CNTNAP2: variants seen among roughly 807,000 people sequenced by gnomAD.
The protein encoded by CNTNAP2 is contactin associated protein 2, also known as contactin-associated protein-like 2.
CNTNAP2 carries 98 observed loss-of-function variants against 155.2 expected under a neutral mutation model. That is an observed-to-expected ratio of 0.63 (90% CI 0.54 to 0.75). CNTNAP2 has a LOEUF of 0.75. CNTNAP2 is among the 30% of genes least tolerant of loss of function. The pLI, the probability that CNTNAP2 is intolerant of heterozygous loss-of-function variation, is 0.00. For missense variants in CNTNAP2, 1,727 were observed against 1,688.1 expected (o/e 1.02, Z -0.40); for synonymous variants, 651 against 631.2 (o/e 1.03, Z -0.47).
At chr7:147,382,840 T>G (rs73475223) in intron 9 of CNTNAP2, among the ~76,000 whole-genome samples, 1 of 152,162 alleles carries the variant, frequency 6.6e-6, no homozygotes, top group Non-Finnish European at 1.5e-5. Flanking sequence ...CCTCGAATGA[T>G]GTAGTACATT....
intron 8 of CNTNAP2, among the ~76,000 whole-genome samples, chr7:147,216,813 C>T (rs1268614727): frequency 6.6e-6 from 1 of 152,026 alleles, no homozygotes; most frequent in East Asian, 1.9e-4. Flanking sequence ...TTTCCTTGAA[C>T]ATACATTATC....
intron 2 of CNTNAP2, among the ~76,000 whole-genome samples, chr7:146,797,786 G>GT (rs1185547733): frequency 8.5e-5 from 13 of 152,166 alleles, no homozygotes; most frequent in Admixed American, 1.3e-4. Context: ...CATTCAAAAT[G>GT]TATTTGTTTG....
chr7:146,145,109 T>C (rs946287236), intron 1 of CNTNAP2, among the ~76,000 whole-genome samples: 3 of 152,194 alleles, frequency 2.0e-5, no homozygotes, highest in Non-Finnish European at 2.9e-5. Flanking sequence ...CAAAATGTGA[T>C]CCTGACATTC....
chr7:147,139,457 G>GA (rs1584750425), intron 8 of CNTNAP2, among the ~76,000 whole-genome samples: 1 of 152,162 alleles, frequency 6.6e-6, no homozygotes, highest in African/African-American at 2.4e-5. Context: ...TTCATAATCA[G>GA]AAAAAACACA....
At chr7:147,204,150 A>G (rs1371850232) in intron 8 of CNTNAP2, among the ~76,000 whole-genome samples, 1 of 151,942 alleles carries the variant, frequency 6.6e-6, no homozygotes, top group African/African-American at 2.4e-5. Context: ...TAATAGGATG[A>G]TATAGATTAT....
At chr7:146,185,244 A>T (rs1282283689) in intron 1 of CNTNAP2, among the ~76,000 whole-genome samples, 1 of 152,160 alleles carries the variant, frequency 6.6e-6, no homozygotes, top group Admixed American at 6.6e-5. Flanking sequence ...TGAAAAAAAA[A>T]TACTACTTTT....
intron 1 of CNTNAP2, among the ~76,000 whole-genome samples, chr7:146,579,848 T>A (rs1013412760): frequency 5.9e-5 from 9 of 152,154 alleles, no homozygotes; most frequent in African/African-American, 2.2e-4. Context: ...GCCTTGAAGT[T>A]TCTTAGTGTA....
chr7:146,931,851 T>A (rs1311405875), intron 3 of CNTNAP2, among the ~76,000 whole-genome samples: 3 of 152,154 alleles, frequency 2.0e-5, no homozygotes, highest in African/African-American at 7.2e-5. Flanking sequence ...AATGGATACA[T>A]TCCTTGACAC....
At chr7:146,596,866 A>G (rs2129150647) in intron 1 of CNTNAP2, among the ~76,000 whole-genome samples, 1 of 152,184 alleles carries the variant, frequency 6.6e-6, no homozygotes, top group East Asian at 1.9e-4. Context: ...TGAGGGTTAA[A>G]TGGAATAATG....
At chr7:147,133,532 C>A (rs752621758) in intron 8 of CNTNAP2, among the ~76,000 whole-genome samples, 1 of 151,928 alleles carries the variant, frequency 6.6e-6, no homozygotes, top group Non-Finnish European at 1.5e-5. Flanking sequence ...CTCTCTTTTC[C>A]CCTCTAGGCT....
intron 12 of CNTNAP2, among the ~76,000 whole-genome samples, chr7:147,588,699 A>T (rs1033566944): frequency 6.6e-6 from 1 of 152,176 alleles, no homozygotes; most frequent in African/African-American, 2.4e-5. Flanking sequence ...GGCCAGCCTG[A>T]TGCCAAAAGA....
intron 1 of CNTNAP2, among the ~76,000 whole-genome samples, chr7:146,526,334 G>T (rs1797691189): frequency 6.6e-6 from 1 of 152,146 alleles, no homozygotes; most frequent in Non-Finnish European, 1.5e-5. Context: ...TGTTTAATTT[G>T]CACACAGTTC....
chr7:147,807,739 A>G (rs1348173089), intron 13 of CNTNAP2, among the ~76,000 whole-genome samples: 3 of 152,146 alleles, frequency 2.0e-5, no homozygotes, highest in Non-Finnish European at 4.4e-5. Flanking sequence ...ATGATGGGGG[A>G]ATAGATCAGG....
intron 2 of CNTNAP2, among the ~76,000 whole-genome samples, chr7:146,777,411 C>A (rs2129186467): frequency 6.6e-6 from 1 of 152,298 alleles, no homozygotes; most frequent in South Asian, 2.1e-4. Context: ...TTATGCTGCT[C>A]TGCCCCTGCA....
intron 1 of CNTNAP2, among the ~76,000 whole-genome samples, chr7:146,217,925 A>G (rs1213419846): frequency 6.6e-6 from 1 of 152,240 alleles, no homozygotes; most frequent in African/African-American, 2.4e-5. Flanking sequence ...GGGTGATGAC[A>G]TAATCTGTAA....
At chr7:147,854,943 C>G (rs1368113347) in intron 13 of CNTNAP2, among the ~76,000 whole-genome samples, 1 of 151,912 alleles carries the variant, frequency 6.6e-6, no homozygotes, top group Non-Finnish European at 1.5e-5. Context: ...AGACACCGCC[C>G]AAGAAAGAGA....
In CNTNAP2 at chr7:146,349,053, T is replaced by C. The variant is rs536106072; in HGVS notation, c.97+232080T>C. Among the ~76,000 whole-genome samples the C allele has an allele frequency of 1.1e-4, 16 of 152,294 alleles. No homozygotes were observed. In the South Asian group the frequency reaches 3.3e-3, roughly 32 times the overall value. On this transcript the variant is annotated intron_variant, in intron 1 of 23. Transcript: ENST00000361727. ...GTGTGACTTTTCTGTTAGTTCATAGTAAGTTACCACAAGGCCTGGGCCCTT... is the reference window on the plus strand; with the variant it reads ...GTGTGACTTTTCTGTTAGTTCATAGCAAGTTACCACAAGGCCTGGGCCCTT...
intron 10 of CNTNAP2, among the ~76,000 whole-genome samples, chr7:147,441,143 C>T (rs1797629712): frequency 6.6e-6 from 1 of 151,956 alleles, no homozygotes; most frequent in South Asian, 2.1e-4. Context: ...TATATGCATG[C>T]TTTATTCTTT....
chr7:147,102,264 A>AATGTAGGT (rs1346056242), intron 4 of CNTNAP2, among the ~76,000 whole-genome samples: 1 of 141,314 alleles, frequency 7.1e-6, no homozygotes, highest in Non-Finnish European at 1.5e-5. Context: ...GAAGTCGCTA[A>AATGTAGGT]ATGTAGGTAG....
Sources: allele counts gnomAD v4.1 joint callset (sites outside exome capture counted in the v4.1 genomes callset), GRCh38; gene constraint gnomAD v4.1.1; transcripts MANE v1.5; gene names NCBI Gene and HGNC (gene_info 2026-07-23, HGNC 2026-07-21).